The following CNTN5 variants were observed in gnomAD, a reference collection of about 807,000 sequenced individuals.
CNTN5 encodes contactin-5.
Under a neutral mutation model 129.1 loss-of-function variants are expected in CNTN5, and 77 were observed. The ratio of observed to expected loss-of-function variants is 0.60; its 90% confidence interval spans 0.50 to 0.72. The LOEUF (loss-of-function observed/expected upper bound fraction) is 0.72. Among genes scored for constraint, CNTN5 ranks in the 30% least tolerant of loss-of-function variants. The pLI, the probability that CNTN5 is intolerant of heterozygous loss-of-function variation, is 0.00. For synonymous variants in CNTN5, 509 were observed against 465.6 expected, an observed-to-expected ratio of 1.09 and a Z score of -1.20; for missense variants, 1,478 against 1,328.8, an observed-to-expected ratio of 1.11 and a Z score of -1.75.
At chr11:100,342,946 C>A (rs1057217033) in intron 23 of CNTN5, among the ~76,000 whole-genome samples, 1 of 152,034 alleles carries the variant, frequency 6.6e-6, no homozygotes, top group Non-Finnish European at 1.5e-5. Context: ...CTTAACTTCA[C>A]AAATGGCAGA....
chr11:99,894,804 T>A (rs965826266), intron 6 of CNTN5, among the ~76,000 whole-genome samples: 7 of 152,178 alleles, frequency 4.6e-5, no homozygotes, highest in African/African-American at 1.7e-4. Context: ...ATATAAAATG[T>A]AAGTTACGTG....
At chr11:99,466,151 G>A (rs2135255691) in intron 2 of CNTN5, among the ~76,000 whole-genome samples, 1 of 152,202 alleles carries the variant, frequency 6.6e-6, no homozygotes, top group Non-Finnish European at 1.5e-5. Flanking sequence ...CAAAGTGCTG[G>A]GATTACAGGC....
chr11:100,313,533 T>C (rs1247672559), intron 21 of CNTN5, among the ~76,000 whole-genome samples: 1 of 152,110 alleles, frequency 6.6e-6, no homozygotes, highest in Non-Finnish European at 1.5e-5. Context: ...ACATTGAATT[T>C]TTGATGCCTA....
chr11:99,275,347 G>A (rs1205421512), intron 1 of CNTN5, among the ~76,000 whole-genome samples: 1 of 151,272 alleles, frequency 6.6e-6, no homozygotes, highest in Middle Eastern at 3.2e-3. Flanking sequence ...GTAAAATTAT[G>A]ATTTTGCTTA....
Position 100,071,809 on chromosome 11 carries a change from C to T in CNTN5, c.1404C>T (p.Tyr468=), listed in dbSNP as rs202176134. Residue 468 remains tyrosine (Y), a synonymous_variant, in exon 12 of 25, where the codon TAC becomes TAT. Transcript: ENST00000524871. The part of the protein sequence containing the change: ...CLAENKYGAI[Y]ASAELKILAS... ...CTGAAAATAAGTATGGAGCCATTTA[C>T]GCTAGTGCTGAGCTGAAGATTCTAG... The T allele has an allele frequency of 2.2e-5, 36 of 1,604,784 alleles. No individual in the cohort carries two copies. Among genetic ancestry groups the T allele is most frequent in the African/African-American group, 5.4e-5 (4 of 74,408 alleles).
At chr11:100,298,847 A>C (rs775042191) in intron 19 of CNTN5, among the ~76,000 whole-genome samples, 10 of 151,372 alleles carry the variant, frequency 6.6e-5, no homozygotes, top group Non-Finnish European at 1.3e-4. Context: ...ATTTTCCCCA[A>C]CATGTTAATC....
At chr11:100,149,893 C>CAAAAA (rs36016957) in intron 13 of CNTN5, among the ~76,000 whole-genome samples, 2 of 117,124 alleles carry the variant, frequency 1.7e-5, no homozygotes, top group Non-Finnish European at 1.8e-5. Context: ...GACTCCATCT[C>CAAAAA]AAAAAAAAAA....
At chr11:99,279,278 A>G (rs1448829373) in intron 1 of CNTN5, among the ~76,000 whole-genome samples, 3 of 151,802 alleles carry the variant, frequency 2.0e-5, no homozygotes, top group Non-Finnish European at 2.9e-5. Flanking sequence ...ATGTGTCTCA[A>G]CTAGTGAACC....
intron 9 of CNTN5, among the ~76,000 whole-genome samples, chr11:100,041,400 G>T (rs1942369911): frequency 6.6e-6 from 1 of 152,066 alleles, no homozygotes; most frequent in South Asian, 2.1e-4. Flanking sequence ...TCAACTCCAG[G>T]TCTACGACAA....
intron 13 of CNTN5, among the ~76,000 whole-genome samples, chr11:100,095,061 A>G (rs1255585112): frequency 2.6e-5 from 4 of 152,168 alleles, no homozygotes; most frequent in African/African-American, 7.2e-5. Context: ...GATAGCATCC[A>G]TATTGTAGCA....
intron 1 of CNTN5, among the ~76,000 whole-genome samples, chr11:99,308,579 C>T (rs1337080750): frequency 1.3e-5 from 2 of 152,076 alleles, no homozygotes; most frequent in East Asian, 1.9e-4. Flanking sequence ...TATTAAAATA[C>T]CAAGAGAAAA....
intron 1 of CNTN5, among the ~76,000 whole-genome samples, chr11:99,136,982 T>G (rs1565347065): frequency 1.3e-5 from 2 of 152,186 alleles, no homozygotes; most frequent in Non-Finnish European, 2.9e-5. Context: ...ATTCAAATTT[T>G]TTATCACATA....
chr11:99,494,656 C>T (rs1946159114), intron 2 of CNTN5, among the ~76,000 whole-genome samples: 1 of 152,150 alleles, frequency 6.6e-6, no homozygotes, highest in Admixed American at 6.5e-5. Context: ...TGATAATTAG[C>T]TTACCACAGA....
At chr11:99,726,519 A>T (rs1270519839) in intron 3 of CNTN5, among the ~76,000 whole-genome samples, 1 of 152,222 alleles carries the variant, frequency 6.6e-6, no homozygotes, top group East Asian at 1.9e-4. Flanking sequence ...TATTTACTGT[A>T]AGCTAAACTC....
intron 4 of CNTN5, among the ~76,000 whole-genome samples, chr11:99,827,701 T>G (rs945928878): frequency 1.3e-5 from 2 of 152,210 alleles, no homozygotes; most frequent in Non-Finnish European, 2.9e-5. Flanking sequence ...TTAACAAATA[T>G]TTTTAGAGGC....
At chr11:99,057,785 A>AGTGT (rs67721084) in intron 1 of CNTN5, among the ~76,000 whole-genome samples, 33,014 of 144,812 alleles carry the variant, frequency 0.23, 3,713 homozygotes, top group East Asian at 0.44. Context: ...ATGAAACATA[A>AGTGT]GTGTGTGTGT....
intron 2 of CNTN5, among the ~76,000 whole-genome samples, chr11:99,387,110 A>G (rs1169737796): frequency 6.6e-6 from 1 of 152,130 alleles, no homozygotes; most frequent in South Asian, 2.1e-4. Context: ...TTCTCTCCTC[A>G]TCTAAGCTCT....
chr11:100,353,673 C>T (rs1565447345), intron 24 of CNTN5, among the ~76,000 whole-genome samples: 1 of 151,576 alleles, frequency 6.6e-6, no homozygotes, highest in Non-Finnish European at 1.5e-5. Context: ...TGGCTATGTG[C>T]TTCACAATAA....
intron 2 of CNTN5, among the ~76,000 whole-genome samples, chr11:99,439,906 T>A (rs534547657): frequency 6.6e-6 from 1 of 152,140 alleles, no homozygotes; most frequent in East Asian, 1.9e-4. Flanking sequence ...AAAATATACA[T>A]AAAACATTTA....
Sources: gnomAD v4.1 joint callset for allele counts (sites outside exome capture counted in the v4.1 genomes callset) on GRCh38, gnomAD v4.1.1 for gene constraint, MANE v1.5 for transcripts, NCBI Gene and HGNC (gene_info 2026-07-23, HGNC 2026-07-21) for gene names.